MLLT1: variants seen among roughly 807,000 people sequenced by gnomAD.
MLLT1 encodes MLLT1 super elongation complex subunit, also known as protein ENL.
MLLT1 carries 11 observed loss-of-function variants against 55.1 expected under a neutral mutation model. The ratio of observed to expected loss-of-function variants is 0.20; its 90% CI spans 0.13 to 0.33. MLLT1 has a LOEUF of 0.33. MLLT1 is among the 10% of genes least tolerant of loss of function. The pLI, the probability that MLLT1 is intolerant of heterozygous loss-of-function variation, is 1.00. For missense variants in MLLT1, 536 were observed against 760.6 expected, an observed-to-expected ratio of 0.70 and a Z score of 3.47; for synonymous variants, 323 against 320.1, an observed-to-expected ratio of 1.01 and a Z score of -0.10.
chr19:6,267,081 C>T (rs2091354740), intron 2 of MLLT1, among the ~76,000 whole-genome samples: 1 of 152,040 alleles, frequency 6.6e-6, no homozygotes, highest in South Asian at 2.1e-4. Context: ...GTCTGGGCAA[C>T]ACAGCGACAC....
In MLLT1 at chr19:6,211,171, C is replaced by A. The variant is rs925940423; in HGVS notation, c.*1871G>T. 4 of 232,798 alleles carry A rather than the reference C, an allele frequency of 1.7e-5. No individual in the cohort carries two copies. The highest frequency in any genetic ancestry group is 2.5e-5 in the Non-Finnish European group (3 of 117,858). 14.4% of individuals were successfully genotyped at this position (232,798 alleles called of 1,614,324 possible). ...CAGCACGGGCCCCCGGTCAGCCCCC[C>A]TCAGGCCAGTTCCTTCAGTCCAATG... is the stretch of plus-strand genomic sequence containing the variant. On this transcript the variant is annotated 3_prime_UTR_variant, in exon 12 of 12. Transcript: ENST00000252674. This position sits in a 1 kb window ranked among gnomAD's most constrained non-coding sequence, Gnocchi z 4.6.
chr19:6,231,715 A>ATGG lies in MLLT1; in HGVS notation c.277-1005_277-1003dup, dbSNP rs1039204804. ...ACGGGGTTTCACCATGTTAACCAGG[A>ATGG]TGGTCTCCATCTCCTGACCTCGTGA... On this transcript the variant is annotated intron_variant, in intron 3 of 11. Transcript: ENST00000252674. This position sits in a 1 kb window ranked among gnomAD's most constrained non-coding sequence, Gnocchi z 5.1. 1.2e-4 allele frequency among the ~76,000 whole-genome samples: 18 copies of ATGG among 151,808 alleles called. No homozygotes were observed. Among genetic ancestry groups the ATGG allele is most frequent in the African/African-American group, 3.9e-4 (16 of 41,348 alleles).
chr19:6,230,983 G>T lies in MLLT1; in HGVS notation c.277-270C>A, dbSNP rs567360544. 9.2e-5 allele frequency among the ~76,000 whole-genome samples: 14 copies of T among 152,318 alleles called. No individual in the cohort carries two copies. The East Asian group carries it at 2.7e-3, about 29-fold the overall frequency. ...GCTCTCGGACTGTTATGGGAAACAT[G>T]TACCCCCTTCAACCCTCACAGCGCC... On this transcript the variant is annotated intron_variant, in intron 3 of 11. Transcript: ENST00000252674. The surrounding 1 kb of genome is among the most constrained non-coding windows in gnomAD (Gnocchi z 9.0).
chr19:6,253,525 A>G (rs2091236051), intron 3 of MLLT1, among the ~76,000 whole-genome samples: 1 of 152,132 alleles, frequency 6.6e-6, no homozygotes, highest in South Asian at 2.1e-4. Context: ...AGATACCACA[A>G]GAAAACCACA....
In MLLT1 at chr19:6,217,895, C is replaced by T. The variant is rs959408768; in HGVS notation, c.1198+59G>A. ...TGGACGCTGAGGAATGCCCATGTGGCCTGAGCTCCAGGCCCTCCCCGGCCC... is the reference window on the plus strand; with the variant it reads ...TGGACGCTGAGGAATGCCCATGTGGTCTGAGCTCCAGGCCCTCCCCGGCCC... On this transcript the variant is annotated intron_variant, in intron 7 of 11. Coordinates refer to ENST00000252674, the MANE Select transcript of MLLT1 (RefSeq NM_005934.4). 13 of 1,545,458 alleles carry T rather than the reference C, an allele frequency of 8.4e-6. No individual in the cohort carries two copies. In the African/African-American group the frequency reaches 9.8e-5, roughly 12 times the overall value.
rs1010384310 is a variant in MLLT1 at position 6,211,915 on chromosome 19, C to T, written c.*1127G>A. 4.7e-6 allele frequency: 5 copies of T among 1,064,526 alleles called. No homozygotes were observed. In the African/African-American group the frequency reaches 6.6e-5, roughly 14 times the overall value. 65.9% of individuals were successfully genotyped at this position (1,064,526 alleles called of 1,614,324 possible). A position where few individuals can be genotyped will look rare whatever the true frequency, so the allele number is the denominator to read the frequency against. On this transcript the variant is annotated 3_prime_UTR_variant, in exon 12 of 12. Transcript: ENST00000252674. This position sits in a 1 kb window ranked among gnomAD's most constrained non-coding sequence, Gnocchi z 4.6. ...GTGGAGGCCGGGGCGGGCCAGGCCG[C>T]GACCAGAGAGAAAGGCAGCCTGGGA...
Position 6,256,915 on chromosome 19 carries a change from C to T in MLLT1, c.276+5313G>A, listed in dbSNP as rs1431316154. Reference sequence around the variant, plus strand: ...CAGCTGATTTTCAACAACGCTCTAACACCACTCGATGGCGAAAGAACAGTC... The same window carrying T: ...CAGCTGATTTTCAACAACGCTCTAATACCACTCGATGGCGAAAGAACAGTC... On this transcript the variant is annotated intron_variant, in intron 3 of 11. Coordinates refer to ENST00000252674, the MANE Select transcript of MLLT1 (RefSeq NM_005934.4). This position sits in a 1 kb window ranked among gnomAD's most constrained non-coding sequence, Gnocchi z 4.1. Among the ~76,000 whole-genome samples the T allele has an allele frequency of 6.6e-6, 1 of 152,202 alleles. No individual in the cohort carries two copies. Among genetic ancestry groups the T allele is most frequent in the Admixed American group, 6.5e-5 (1 of 15,282 alleles).
chr19:6,272,154 G>A (rs1448590744), intron 1 of MLLT1, among the ~76,000 whole-genome samples: 3 of 142,646 alleles, frequency 2.1e-5, no homozygotes, highest in African/African-American at 5.2e-5. Flanking sequence ...CCCCGCGCAC[G>A]TCTTCCACGC....
At position 6,246,435 on chromosome 19, in the gene MLLT1, C is replaced by T. The variant is rs915948150; in HGVS notation, c.277-15722G>A. On this transcript the variant is annotated intron_variant, in intron 3 of 11. Coordinates refer to ENST00000252674, the MANE Select transcript of MLLT1 (RefSeq NM_005934.4). ...AACAAACCGTAAGGCACCCATGCAG[C>T]GGAACACTCCTCGAAAAAACACAAC... is the stretch of plus-strand genomic sequence containing the variant. Among the ~76,000 whole-genome samples the T allele has an allele frequency of 5.9e-5, 9 of 152,142 alleles. No individual in the cohort carries two copies. The South Asian group carries it at 1.0e-3, about 18-fold the overall frequency.
intron 3 of MLLT1, among the ~76,000 whole-genome samples, chr19:6,237,333 C>T (rs1401999409): frequency 2.0e-5 from 3 of 152,184 alleles, no homozygotes; most frequent in Non-Finnish European, 4.4e-5. Flanking sequence ...GCAACCAGCC[C>T]TCCTGCAAGG....
At chr19:6,257,576 G>A (rs1237115710) in intron 3 of MLLT1, among the ~76,000 whole-genome samples, 1 of 152,174 alleles carries the variant, frequency 6.6e-6, no homozygotes, top group Non-Finnish European at 1.5e-5. Context: ...CAAGACAGAT[G>A]GATCACTTGA....
intron 3 of MLLT1, among the ~76,000 whole-genome samples, chr19:6,242,636 C>G (rs540019236): frequency 6.6e-6 from 1 of 152,190 alleles, no homozygotes; most frequent in Non-Finnish European, 1.5e-5. Flanking sequence ...GCTCTCAGGA[C>G]GGGTTCCTTC....
chr19:6,254,481 G>T (rs955476437), intron 3 of MLLT1, among the ~76,000 whole-genome samples: 1 of 152,224 alleles, frequency 6.6e-6, no homozygotes. Flanking sequence ...TCTGGGACTC[G>T]CGACTGGCAT....
chr19:6,257,230 G>A (rs2144930423), intron 3 of MLLT1, among the ~76,000 whole-genome samples: 1 of 152,256 alleles, frequency 6.6e-6, no homozygotes, highest in East Asian at 1.9e-4. Context: ...TATCAGGGCT[G>A]GGTGCGGCAG....
intron 3 of MLLT1, among the ~76,000 whole-genome samples, chr19:6,259,990 T>C (rs887067498): frequency 2.6e-5 from 4 of 152,116 alleles, no homozygotes; most frequent in Non-Finnish European, 2.9e-5. Context: ...TTGCTGGAAG[T>C]GCACATGCTC....
intron 3 of MLLT1, among the ~76,000 whole-genome samples, chr19:6,242,175 C>T (rs994065029): frequency 6.6e-6 from 1 of 152,218 alleles, no homozygotes; most frequent in Non-Finnish European, 1.5e-5. Context: ...AGGGGCAGCC[C>T]AAGTGGAACC....
At chr19:6,259,839 TC>T (rs1220629466) in intron 3 of MLLT1, 1 of 126,438 alleles carries the variant, frequency 7.9e-6, no homozygotes, top group Non-Finnish European at 1.6e-5. Context: ...CTGGCCATCC[TC>T]CAAAAGGGCT....
intron 3 of MLLT1, among the ~76,000 whole-genome samples, chr19:6,253,826 G>C (rs896902309): frequency 6.6e-6 from 1 of 152,120 alleles, no homozygotes; most frequent in Non-Finnish European, 1.5e-5. Context: ...AGAAAAAGAA[G>C]GTGTGACACG....
Position 6,211,370 on chromosome 19 carries a change from C to A in MLLT1, c.*1672G>T, listed in dbSNP as rs1024479046. 4.3e-6 allele frequency: 1 copy of A among 234,406 alleles called. No homozygotes were observed. The highest frequency in any genetic ancestry group is 8.4e-6 in the Non-Finnish European group (1 of 119,248). 14.5% of individuals were successfully genotyped at this position (234,406 alleles called of 1,614,324 possible). ...CCCGGAGGCTTCCTCCGAAGGTTCT[C>A]GGGCCTTTCCCCGAGAGTTCTGGGG... On this transcript the variant is annotated 3_prime_UTR_variant, in exon 12 of 12. Coordinates refer to ENST00000252674, the MANE Select transcript of MLLT1 (RefSeq NM_005934.4). The surrounding 1 kb of genome is among the most constrained non-coding windows in gnomAD (Gnocchi z 4.6).
Sources: gnomAD v4.1 joint callset for allele counts (sites outside exome capture counted in the v4.1 genomes callset) on GRCh38, gnomAD v4.1.1 for gene constraint, Gnocchi (gnomAD v3.1) non-coding constraint, MANE v1.5 for transcripts, NCBI Gene and HGNC (gene_info 2026-07-23, HGNC 2026-07-21) for gene names.